Variants in XPR1 observed in about 807,000 individuals in gnomAD.
The protein encoded by XPR1 is solute carrier family 53 member 1.
Under a neutral mutation model 87.5 loss-of-function variants are expected in XPR1, and 28 were observed. That is an observed-to-expected ratio of 0.32 (90% CI 0.24 to 0.44). The LOEUF (loss-of-function observed/expected upper bound fraction) is 0.44. XPR1 is among the 20% of genes least tolerant of loss of function. The probability of loss-of-function intolerance (pLI) is 1.00; values close to 1 mark genes in which losing one functional copy is unlikely to be tolerated. For missense variants in XPR1, 559 were observed against 862.3 expected, an observed-to-expected ratio of 0.65 and a Z score of 4.41; for synonymous variants, 300 against 306.1, an observed-to-expected ratio of 0.98 and a Z score of 0.21.
At chr1:180,743,543 T>A (rs1350144355) in intron 2 of XPR1, among the ~76,000 whole-genome samples, 2 of 152,126 alleles carry the variant, frequency 1.3e-5, no homozygotes, top group Non-Finnish European at 2.9e-5. Context: ...AGAAGAATAG[T>A]TCATTATATA....
chr1:180,839,285 A>C (rs1290318360), intron 11 of XPR1, among the ~76,000 whole-genome samples: 1 of 152,352 alleles, frequency 6.6e-6, no homozygotes, highest in East Asian at 1.9e-4. Flanking sequence ...ACATGAACTG[A>C]ATGAAAAAGG....
intron 7 of XPR1, among the ~76,000 whole-genome samples, chr1:180,821,657 A>G (rs866711811): frequency 6.6e-6 from 1 of 152,216 alleles, no homozygotes; most frequent in Non-Finnish European, 1.5e-5. Context: ...TCTTAACAAT[A>G]TTAAATCTTT....
At chr1:180,657,073 G>A (rs1363664233) in intron 1 of XPR1, among the ~76,000 whole-genome samples, 7 of 152,002 alleles carry the variant, frequency 4.6e-5, no homozygotes, top group South Asian at 2.1e-4. Context: ...TTTGATTTGC[G>A]TTTCTCTGAT....
intron 2 of XPR1, among the ~76,000 whole-genome samples, chr1:180,740,097 G>T (rs181068470): frequency 2.6e-5 from 4 of 152,010 alleles, no homozygotes; most frequent in Admixed American, 6.6e-5. Flanking sequence ...AAATTCCTTG[G>T]GATTGTCTAC....
At chr1:180,661,538 G>T (rs1389106202) in intron 1 of XPR1, among the ~76,000 whole-genome samples, 1 of 149,532 alleles carries the variant, frequency 6.7e-6, no homozygotes, top group South Asian at 2.1e-4. Context: ...TTTGATTTGA[G>T]GTTACCATGA....
intron 1 of XPR1, among the ~76,000 whole-genome samples, chr1:180,646,728 A>C (rs566071254): frequency 6.6e-6 from 1 of 152,190 alleles, no homozygotes; most frequent in Admixed American, 6.5e-5. Context: ...GCTTACCGAA[A>C]CTGTGACCGA....
intron 2 of XPR1, among the ~76,000 whole-genome samples, chr1:180,725,232 C>G (rs1362317481): frequency 6.6e-6 from 1 of 152,080 alleles, no homozygotes; most frequent in South Asian, 2.1e-4. Context: ...TGGATACATC[C>G]TGGAATAATG....
At chr1:180,692,927 T>C (rs1291372506) in intron 2 of XPR1, among the ~76,000 whole-genome samples, 1 of 152,180 alleles carries the variant, frequency 6.6e-6, no homozygotes, top group Non-Finnish European at 1.5e-5. Flanking sequence ...TAATGCATCT[T>C]TAGTGTTTAA....
At chr1:180,744,597 G>T (rs1659019983) in intron 2 of XPR1, among the ~76,000 whole-genome samples, 1 of 149,454 alleles carries the variant, frequency 6.7e-6, no homozygotes, top group Admixed American at 6.7e-5. Flanking sequence ...TCAAGGTCTT[G>T]CTTATATCCT....
At chr1:180,666,720 T>A (rs1174182403) in intron 1 of XPR1, among the ~76,000 whole-genome samples, 1 of 152,128 alleles carries the variant, frequency 6.6e-6, no homozygotes, top group Non-Finnish European at 1.5e-5. Context: ...TTAGTTTTTC[T>A]TTTTTTGGTG....
intron 11 of XPR1, among the ~76,000 whole-genome samples, chr1:180,842,073 T>C (rs746212393): frequency 3.3e-5 from 5 of 152,180 alleles, no homozygotes; most frequent in Non-Finnish European, 5.9e-5. Flanking sequence ...GAAATAATCA[T>C]TAAGCCAAAA....
intron 11 of XPR1, among the ~76,000 whole-genome samples, chr1:180,861,867 A>G (rs1457058500): frequency 6.6e-6 from 1 of 152,100 alleles, no homozygotes; most frequent in Non-Finnish European, 1.5e-5. Context: ...AGCTACTAAG[A>G]TGATAACACT....
chr1:180,840,290 G>A (rs1022370054), intron 11 of XPR1, among the ~76,000 whole-genome samples: 14 of 150,694 alleles, frequency 9.3e-5, no homozygotes, highest in Middle Eastern at 3.5e-3. Flanking sequence ...GAGTGACAGC[G>A]TCACCTTTAG....
chr1:180,724,875 CAT>C (rs1658284121), intron 2 of XPR1, among the ~76,000 whole-genome samples: 1 of 152,018 alleles, frequency 6.6e-6, no homozygotes, highest in Non-Finnish European at 1.5e-5. Context: ...GTAACAGAAA[CAT>C]AGTTAAAATG....
At chr1:180,719,065 T>G (rs560540501) in intron 2 of XPR1, among the ~76,000 whole-genome samples, 1 of 152,334 alleles carries the variant, frequency 6.6e-6, no homozygotes, top group South Asian at 2.1e-4. Context: ...TACAACATAA[T>G]TCTGACCATT....
chr1:180,779,164 T>C (rs1376447477), intron 2 of XPR1, among the ~76,000 whole-genome samples: 1 of 152,216 alleles, frequency 6.6e-6, no homozygotes, highest in African/African-American at 2.4e-5. Context: ...TTTCTGATCA[T>C]TTCTTACTCT....
intron 1 of XPR1, among the ~76,000 whole-genome samples, chr1:180,633,567 T>G (rs1654664869): frequency 6.6e-6 from 1 of 152,198 alleles, no homozygotes; most frequent in Non-Finnish European, 1.5e-5. Flanking sequence ...ATCTTGAATA[T>G]TGTGAAATAA....
At position 180,762,417 on chromosome 1, in the gene XPR1, G is replaced by C. The variant is rs182990619; in HGVS notation, c.122-25336G>C. 1.4e-3 allele frequency among the ~76,000 whole-genome samples: 209 copies of C among 152,190 alleles called. 3 individuals carry two copies. Among genetic ancestry groups the C allele is most frequent in the Non-Finnish European group, 2.9e-4 (20 of 67,992 alleles). On this transcript the variant is annotated intron_variant, in intron 2 of 14. Coordinates refer to ENST00000367590, the MANE Select transcript of XPR1 (RefSeq NM_004736.4). ...GAAGTTAATTAAAAATAGAAAAACT[G>C]CATAAAGCTAAAAATGAATTATCTT...
At chr1:180,713,961 A>G (rs1402262988) in intron 2 of XPR1, among the ~76,000 whole-genome samples, 1 of 151,996 alleles carries the variant, frequency 6.6e-6, no homozygotes, top group Non-Finnish European at 1.5e-5. Flanking sequence ...TATTCTTTTT[A>G]ACTGTTTGGT....
Sources: gnomAD v4.1 joint callset for allele counts (sites outside exome capture counted in the v4.1 genomes callset) on GRCh38, gnomAD v4.1.1 for gene constraint, MANE v1.5 for transcripts, NCBI Gene and HGNC (gene_info 2026-07-23, HGNC 2026-07-21) for gene names.